Variants in TCF7L1 observed in about 807,000 individuals in gnomAD.
The protein encoded by TCF7L1 is transcription factor 7 like 1.
In TCF7L1, 18 loss-of-function variants were observed where a neutral mutation model predicts 63.7. The ratio of observed to expected loss-of-function variants is 0.28; its 90% CI spans 0.20 to 0.42. The LOEUF is 0.42. Among genes scored for constraint, TCF7L1 ranks in the 10% least tolerant of loss-of-function variants. The pLI, the probability that TCF7L1 is intolerant of heterozygous loss-of-function variation, is 1.00. For synonymous variants in TCF7L1, 355 were observed against 340.9 expected, an observed-to-expected ratio of 1.04 and a Z score of -0.46; for missense variants, 654 against 779.3, an observed-to-expected ratio of 0.84 and a Z score of 1.91.
intron 3 of TCF7L1, among the ~76,000 whole-genome samples, chr2:85,227,419 T>C (rs373787241): frequency 2.9e-4 from 44 of 151,722 alleles, no homozygotes; most frequent in African/African-American, 1.0e-3. Context: ...GAAAAGGGAC[T>C]GTCAGAGTAA....
At chr2:85,233,144 G>A (rs1422599063) in intron 3 of TCF7L1, 1 of 151,570 alleles carries the variant, frequency 6.6e-6, no homozygotes, top group African/African-American at 2.4e-5. Flanking sequence ...GTGTTGCCCA[G>A]GCAGGTTTTG....
intron 3 of TCF7L1, among the ~76,000 whole-genome samples, chr2:85,227,652 C>T (rs1054271600): frequency 2.0e-4 from 31 of 152,060 alleles, no homozygotes; most frequent in Admixed American, 7.9e-4. Flanking sequence ...ACCAGTGATG[C>T]CTGCCACTTA....
chr2:85,141,749 C>T (rs999844369), intron 3 of TCF7L1, among the ~76,000 whole-genome samples: 1 of 152,148 alleles, frequency 6.6e-6, no homozygotes, highest in African/African-American at 2.4e-5. Context: ...TTACTTCATC[C>T]GTGGAGGGTG....
chr2:85,254,746 C>G (rs947235087), intron 3 of TCF7L1, among the ~76,000 whole-genome samples: 5 of 152,186 alleles, frequency 3.3e-5, no homozygotes, highest in African/African-American at 1.2e-4. Flanking sequence ...AGATCTGCTC[C>G]CCTGCCCCCA....
intron 6 of TCF7L1, 31 bp downstream of exon 6, chr2:85,304,028 C>T: frequency 6.6e-7 from 1 of 1,524,444 alleles, no homozygotes; most frequent in Non-Finnish European, 9.1e-7. Context: ...CTTCCCCCTG[C>T]TCCCTCCTTG....
At chr2:85,256,826 T>C (rs1039378413) in intron 3 of TCF7L1, among the ~76,000 whole-genome samples, 1 of 151,726 alleles carries the variant, frequency 6.6e-6, no homozygotes, top group Non-Finnish European at 1.5e-5. Flanking sequence ...CTAATAAAAA[T>C]ACAAAAATTA....
intron 3 of TCF7L1, among the ~76,000 whole-genome samples, chr2:85,210,643 TC>T (rs1679520205): frequency 6.6e-6 from 1 of 152,162 alleles, no homozygotes; most frequent in Admixed American, 6.5e-5. Flanking sequence ...TCCAGGTTGT[TC>T]CCAGCCCTTT....
Position 85,134,583 on chromosome 2 carries a change from C to T in TCF7L1, c.441+133C>T, listed in dbSNP as rs1677545750. The stretch of plus-strand genomic sequence containing the variant: ...AGCAGAACTTGTTTGCGGAGTTGAA[C>T]TACTCTCTGGCGGCCGAGCGCGAGG... On this transcript the variant is annotated intron_variant, in intron 3 of 11. Transcript: ENST00000282111. This position sits in a 1 kb window ranked among gnomAD's most constrained non-coding sequence, Gnocchi z 5.0. The T allele has an allele frequency of 2.0e-5, 26 of 1,312,432 alleles. No homozygotes were observed. Among genetic ancestry groups the T allele is most frequent in the Non-Finnish European group, 2.6e-5 (26 of 981,638 alleles). The allele number at this position is 1,312,432 out of a possible 1,614,324, so 81.3% of individuals were successfully genotyped here. A position where few individuals can be genotyped will look rare whatever the true frequency, so the allele number is the denominator to read the frequency against.
At chr2:85,295,954 T>C (rs2104381761) in intron 4 of TCF7L1, among the ~76,000 whole-genome samples, 1 of 152,032 alleles carries the variant, frequency 6.6e-6, no homozygotes, top group East Asian at 1.9e-4. Flanking sequence ...ATTTTTGTAT[T>C]TTTAGTTGAC....
At chr2:85,296,367 C>G (rs1289721716) in intron 4 of TCF7L1, among the ~76,000 whole-genome samples, 3 of 152,264 alleles carry the variant, frequency 2.0e-5, no homozygotes, top group East Asian at 3.9e-4. Context: ...TGGTTAGATT[C>G]AGATTGTGCA....
chr2:85,177,119 G>A (rs1678692741), intron 3 of TCF7L1, among the ~76,000 whole-genome samples: 1 of 152,076 alleles, frequency 6.6e-6, no homozygotes, highest in South Asian at 2.1e-4. Flanking sequence ...TCGGGTTTTG[G>A]TGAGGACCCT....
At position 85,187,549 on chromosome 2, in the gene TCF7L1, C is replaced by G. The variant is rs77057435; in HGVS notation, c.441+53099C>G. Among the ~76,000 whole-genome samples, 624 of 151,906 alleles carry G rather than the reference C, an allele frequency of 4.1e-3. 4 individuals are homozygous for G. Among genetic ancestry groups the G allele is most frequent in the African/African-American group, 0.015 (601 of 41,428 alleles). On this transcript the variant is annotated intron_variant, in intron 3 of 11. Transcript: ENST00000282111. ...GTTTAGGTTGAGGTTGATTTTTTTCCCCCTCCTGTAGATGTCCACTTGCTG... is the reference window on the plus strand; with the variant it reads ...GTTTAGGTTGAGGTTGATTTTTTTCGCCCTCCTGTAGATGTCCACTTGCTG...
At chr2:85,178,798 C>T (rs542819725) in intron 3 of TCF7L1, among the ~76,000 whole-genome samples, 10 of 152,206 alleles carry the variant, frequency 6.6e-5, no homozygotes, top group Admixed American at 2.6e-4. Flanking sequence ...ACAAGACAGG[C>T]GGCAGGGCTG....
intron 3 of TCF7L1, among the ~76,000 whole-genome samples, chr2:85,250,578 A>G (rs925483857): frequency 3.9e-5 from 6 of 151,998 alleles, no homozygotes; most frequent in African/African-American, 1.5e-4. Context: ...CTGGGATTAC[A>G]GGCGCCGGCC....
rs1238772172 is a variant in TCF7L1, at chr2:85,216,642, G to A, written c.442-66853G>A. 2.6e-5 allele frequency among the ~76,000 whole-genome samples: 4 copies of A among 152,062 alleles called. No individual in the cohort carries two copies. In the East Asian group the frequency reaches 7.7e-4, roughly 29 times the overall value. On this transcript the variant is annotated intron_variant, in intron 3 of 11. Coordinates refer to ENST00000282111, the MANE Select transcript of TCF7L1 (RefSeq NM_031283.3). ...AGACCAACGTTAGCCCCTTCCTCCCGGCCCTGGAAGAATGCCTGGTGTGTG... is the reference window on the plus strand; with the variant it reads ...AGACCAACGTTAGCCCCTTCCTCCCAGCCCTGGAAGAATGCCTGGTGTGTG...
At chr2:85,213,470 A>G (rs1242275247) in intron 3 of TCF7L1, among the ~76,000 whole-genome samples, 1 of 152,174 alleles carries the variant, frequency 6.6e-6, no homozygotes, top group African/African-American at 2.4e-5. Flanking sequence ...TTGGAAGGTA[A>G]GGTCACTGTA....
At chr2:85,258,236 G>T (rs554451843) in intron 3 of TCF7L1, among the ~76,000 whole-genome samples, 1 of 152,096 alleles carries the variant, frequency 6.6e-6, no homozygotes, top group Non-Finnish European at 1.5e-5. Flanking sequence ...AGCAGGGGGG[G>T]CCTGCATTGG....
chr2:85,181,514 A>C (rs570407691), intron 3 of TCF7L1, among the ~76,000 whole-genome samples: 21 of 152,184 alleles, frequency 1.4e-4, no homozygotes, highest in Non-Finnish European at 2.8e-4. Context: ...TGTGGTGGCC[A>C]GGAGAGAGGG....
At chr2:85,148,342 G>C (rs1215077132) in intron 3 of TCF7L1, among the ~76,000 whole-genome samples, 1 of 152,164 alleles carries the variant, frequency 6.6e-6, no homozygotes, top group Non-Finnish European at 1.5e-5. Context: ...GAGGGATGGA[G>C]AATATTCTAC....
Sources: gnomAD v4.1 joint callset for allele counts (sites outside exome capture counted in the v4.1 genomes callset) on GRCh38, gnomAD v4.1.1 for gene constraint, Gnocchi (gnomAD v3.1) non-coding constraint, MANE v1.5 for transcripts, NCBI Gene and HGNC (gene_info 2026-07-23, HGNC 2026-07-21) for gene names.